The following ZNF883 variants were observed in gnomAD, a reference collection of about 807,000 sequenced individuals.
The protein encoded by ZNF883 is zinc finger protein 883.
downstream of ZNF883, among the ~76,000 whole-genome samples, chr9:112,996,884 A>C (rs1391404340): frequency 6.6e-6 from 1 of 151,178 alleles, no homozygotes; most frequent in African/African-American, 2.4e-5. Flanking sequence ...AACTTTCTAA[A>C]TGTCTTTAAA....
chr9:112,997,369 T>TA, exon 1 of ZNF883: 3 of 1,614,058 alleles, frequency 1.9e-6, no homozygotes, highest in Non-Finnish European at 2.5e-6. Context: ...GTTTCTGACA[T>TA]TCATTACATT....
upstream of ZNF883, chr9:113,001,856 G>A (rs1339450127): frequency 6.6e-6 from 1 of 152,172 alleles, no homozygotes; most frequent in Non-Finnish European, 1.5e-5. Context: ...TATTTACAAA[G>A]TTTTAAAGAA....
chr9:113,006,957 A>G (rs1387305991), intron 2 of ZNF883, among the ~76,000 whole-genome samples: 1 of 152,070 alleles, frequency 6.6e-6, no homozygotes, highest in Non-Finnish European at 1.5e-5. Context: ...GCATTTTGGG[A>G]AGCTGAGGCA....
chr9:112,993,539 C>A (rs1228435234), downstream of ZNF883, among the ~76,000 whole-genome samples: 1 of 152,214 alleles, frequency 6.6e-6, no homozygotes, highest in African/African-American at 2.4e-5. Context: ...GCATGGGATC[C>A]AGGACCCACC....
intron 2 of ZNF883, among the ~76,000 whole-genome samples, chr9:113,007,888 C>A (rs1179273731): frequency 2.0e-5 from 3 of 152,082 alleles, no homozygotes; most frequent in African/African-American, 7.2e-5. Context: ...CATTATTTCT[C>A]TCCATTTAAA....
At chr9:113,011,362 A>C (rs1345963334) in intron 1 of ZNF883, 135 bp from the exon 2 acceptor site, 2 of 152,226 alleles carry the variant, frequency 1.3e-5, no homozygotes, top group African/African-American at 4.8e-5. Flanking sequence ...TGCAGAGTAC[A>C]AAGTGAAAGG....
chr9:113,000,511 T>C (rs1452754865), upstream of ZNF883, among the ~76,000 whole-genome samples: 1 of 152,072 alleles, frequency 6.6e-6, no homozygotes, highest in Non-Finnish European at 1.5e-5. Context: ...ATATGAAAGA[T>C]ATGAGCCTGG....
At chr9:112,992,070 A>T (rs1229673008) in intron 1 of ZNF883, among the ~76,000 whole-genome samples, 1 of 152,204 alleles carries the variant, frequency 6.6e-6, no homozygotes, top group Admixed American at 6.5e-5. Context: ...GGGGGCATTT[A>T]GCCCATTTAC....
chr9:112,997,237 T>A (rs1828369480), exon 1 of ZNF883: 1 of 1,614,090 alleles, frequency 6.2e-7, no homozygotes, highest in East Asian at 2.2e-5. Flanking sequence ...TTGTATGTAT[T>A]CGCTTATGTT....
intron 2 of ZNF883, among the ~76,000 whole-genome samples, chr9:113,006,097 TAA>T (rs33952027): frequency 0.056 from 8,126 of 144,372 alleles, 315 homozygotes; most frequent in East Asian, 0.086. Context: ...CATGAAAAAT[TAA>T]AAAAAAAAAA....
rs563374014 is a variant in ZNF883 at position 113,007,791 on chromosome 9, A to G, written n.165+3350T>C. Among the ~76,000 whole-genome samples the G allele has an allele frequency of 1.1e-3, 165 of 152,332 alleles. 3 individuals carry two copies. The South Asian group carries it at 0.016, about 15-fold the overall frequency. On this transcript the variant is annotated intron_variant and non_coding_transcript_variant, in intron 2 of 4. Transcript: ENST00000638622. ...GTTTGCCCAGGACACACCTCAAGCC[A>G]ACAGTAATGAACTGACTTGCCTAAG...
chr9:112,999,442 T>A (rs1402142457), upstream of ZNF883, among the ~76,000 whole-genome samples: 1 of 152,094 alleles, frequency 6.6e-6, no homozygotes, highest in East Asian at 1.9e-4. Flanking sequence ...TATCCTACAA[T>A]TTACTCTAAT....
chr9:113,005,684 C>T (rs545446970), intron 2 of ZNF883, among the ~76,000 whole-genome samples: 1 of 152,274 alleles, frequency 6.6e-6, no homozygotes, highest in African/African-American at 2.4e-5. Flanking sequence ...AAAATGAACT[C>T]ACAGAACCTT....
At chr9:112,998,035 C>A (rs756307954) in exon 1 of ZNF883, 2 of 1,613,786 alleles carry the variant, frequency 1.2e-6, no homozygotes, top group East Asian at 2.2e-5. Flanking sequence ...TAAAAGCTTT[C>A]CCACATTCAT....
chr9:113,006,484 T>C (rs937668081), intron 2 of ZNF883, among the ~76,000 whole-genome samples: 9 of 152,188 alleles, frequency 5.9e-5, no homozygotes, highest in Non-Finnish European at 1.3e-4. Flanking sequence ...GCTTACACTT[T>C]ACTCTGTCGG....
intron 1 of ZNF883, among the ~76,000 whole-genome samples, chr9:113,011,835 C>G (rs1365112382): frequency 6.6e-6 from 1 of 152,130 alleles, no homozygotes; most frequent in Admixed American, 6.5e-5. Flanking sequence ...AAGCAAGGCC[C>G]AAAAGCTCTG....
At chr9:112,999,513 A>C (rs1322421795), upstream of ZNF883, among the ~76,000 whole-genome samples, 1 of 152,164 alleles carries the variant, frequency 6.6e-6, no homozygotes, top group Non-Finnish European at 1.5e-5. Flanking sequence ...TCAGTCCCAC[A>C]AGACTGCCTC....
At chr9:112,989,070 C>A (rs577207603) in intron 1 of ZNF883, among the ~76,000 whole-genome samples, 1 of 152,202 alleles carries the variant, frequency 6.6e-6, no homozygotes, top group South Asian at 2.1e-4. Context: ...TTCCCTCATT[C>A]TGTAGATTTT....
intron 2 of ZNF883, among the ~76,000 whole-genome samples, chr9:113,005,122 T>C (rs1250855022): frequency 6.6e-6 from 1 of 152,092 alleles, no homozygotes; most frequent in Non-Finnish European, 1.5e-5. Context: ...TGCAAGAATA[T>C]TTTTTATAAT....
Sources: gnomAD v4.1 joint callset for allele counts (sites outside exome capture counted in the v4.1 genomes callset) on GRCh38, gnomAD v4.1.1 for gene constraint, MANE v1.5 for transcripts, NCBI Gene and HGNC (gene_info 2026-07-23, HGNC 2026-07-21) for gene names.